Variants in REL observed in about 807,000 individuals in gnomAD.
REL encodes the protein REL proto-oncogene, NF-kB subunit, also known as proto-oncogene c-Rel.
REL carries 15 observed loss-of-function variants against 45.9 expected under a neutral mutation model. The ratio of observed to expected loss-of-function variants is 0.33; its 90% CI spans 0.22 to 0.50. The LOEUF (loss-of-function observed/expected upper bound fraction) is 0.50, where lower values mean the gene tolerates loss of function less well. Ranked by LOEUF, REL falls within the 20% of genes least tolerant of loss-of-function variation. The pLI is 0.98. For missense variants in REL, 601 were observed against 715.2 expected (o/e 0.84, Z 1.82); for synonymous variants, 239 against 242.1 (o/e 0.99, Z 0.12).
intron 1 of REL, among the ~76,000 whole-genome samples, chr2:60,888,219 A>G (rs1673118094): frequency 6.6e-6 from 1 of 152,096 alleles, no homozygotes; most frequent in Non-Finnish European, 1.5e-5. Flanking sequence ...ATGAGCCACC[A>G]TGCCCAGCCT....
Position 60,881,881 on chromosome 2 carries a change from G to A in REL, c.10+31G>A, listed in dbSNP as rs542918719. The A allele has an allele frequency of 3.5e-6, 5 of 1,432,522 alleles. No homozygotes were observed. In the African/African-American group the frequency reaches 5.9e-5, roughly 17 times the overall value. The allele number at this position is 1,432,522 out of a possible 1,614,324, so 88.7% of individuals were successfully genotyped here. ...TGTTCATGGGGCGCGGGCCTGGGCC[G>A]GGGGAAAGGAGCTCTTCTGAAGGGG... On this transcript the variant is annotated intron_variant, in intron 1 of 9. Coordinates refer to ENST00000394479, the MANE Select transcript of REL (RefSeq NM_001291746.2).
chr2:60,889,988 G>A (rs1268655390), intron 1 of REL, among the ~76,000 whole-genome samples: 3 of 152,144 alleles, frequency 2.0e-5, no homozygotes, highest in African/African-American at 7.2e-5. Context: ...TGGGTAAAAT[G>A]GTATTTCTAG....
rs1424134464 is a variant in REL, at chr2:60,906,912, TA to T, written c.394+5830del. ...GTGTGTGTATATATATATATATATA[TA>T]TTTTTTTTTTTTTTTTCTTTTCCGA... On this transcript the variant is annotated intron_variant, in intron 4 of 9. Transcript: ENST00000394479. Among the ~76,000 whole-genome samples, 512 of 69,292 alleles carry T rather than the reference TA, an allele frequency of 7.4e-3. 2 individuals are homozygous for T. The highest frequency in any genetic ancestry group is 0.017 in the African/African-American group (348 of 20,968). The allele number at this position is 69,292 out of a possible 152,430, so 45.5% of individuals were successfully genotyped here. A position where few individuals can be genotyped will look rare whatever the true frequency, so the allele number is the denominator to read the frequency against.
intron 4 of REL, among the ~76,000 whole-genome samples, chr2:60,905,895 C>T (rs1254092502): frequency 7.2e-5 from 11 of 152,164 alleles, no homozygotes; most frequent in African/African-American, 2.7e-4. Flanking sequence ...TATATACATA[C>T]ACCACACCCT....
At position 60,924,980 on chromosome 2, in the gene REL, C is replaced by T. The variant is rs1052010324; in HGVS notation, c.*2445C>T. The T allele has an allele frequency of 4.8e-6, 1 of 206,476 alleles. No homozygotes were observed. The highest frequency in any genetic ancestry group is 9.9e-6 in the Non-Finnish European group (1 of 101,126). The allele number at this position is 206,476 out of a possible 1,614,324, so 12.8% of individuals were successfully genotyped here. ...AGAAACCTTTCACTTTGCTTCAAAA[C>T]GTAGTTATATTTTGGAGTTTTCATT... On this transcript the variant is annotated 3_prime_UTR_variant, in exon 10 of 10. Coordinates refer to ENST00000394479, the MANE Select transcript of REL (RefSeq NM_001291746.2).
chr2:60,904,782 C>G (rs1673596216), intron 4 of REL, among the ~76,000 whole-genome samples: 1 of 151,936 alleles, frequency 6.6e-6, no homozygotes, highest in African/African-American at 2.4e-5. Flanking sequence ...CTTAGCTACT[C>G]AGGAGGCCGA....
intron 4 of REL, among the ~76,000 whole-genome samples, chr2:60,906,861 G>A (rs34809461): frequency 1.2e-5 from 1 of 84,692 alleles, no homozygotes; most frequent in Non-Finnish European, 3.7e-5. Flanking sequence ...GTATGTATGT[G>A]TGTGTGTGTG....
rs1558831992 is a variant in REL, at chr2:60,929,472, C to T, written c.*6937C>T. On this transcript the variant is annotated 3_prime_UTR_variant, in exon 10 of 10. Coordinates refer to ENST00000394479, the MANE Select transcript of REL (RefSeq NM_001291746.2). ...TTAAGAAAATGTGGCACATATACAC[C>T]ATGGAATACTATGCAGCCATAAAAA... 6.7e-6 allele frequency: 1 copy of T among 149,386 alleles called. No homozygotes were observed. Among genetic ancestry groups the T allele is most frequent in the Non-Finnish European group, 1.5e-5 (1 of 67,380 alleles). The allele number at this position is 149,386 out of a possible 1,614,324, so 9.3% of individuals were successfully genotyped here. A position where few individuals can be genotyped will look rare whatever the true frequency, so the allele number is the denominator to read the frequency against.
chr2:60,887,205 A>G (rs1673092904), intron 1 of REL, among the ~76,000 whole-genome samples: 1 of 152,242 alleles, frequency 6.6e-6, no homozygotes, highest in African/African-American at 2.4e-5. Context: ...GATGCATTAT[A>G]TAAATGATTT....
At chr2:60,920,000 C>T in intron 7 of REL, 41 bp from the exon 8 acceptor site, 1 of 1,307,416 alleles carries the variant, frequency 7.6e-7, no homozygotes, top group Non-Finnish European at 1.1e-6. Flanking sequence ...GGATACAATC[C>T]TATAATTTTT....
intron 2 of REL, among the ~76,000 whole-genome samples, chr2:60,893,541 G>A (rs991404530): frequency 1.3e-5 from 2 of 152,068 alleles, no homozygotes; most frequent in African/African-American, 4.8e-5. Flanking sequence ...ATTCCAGTAG[G>A]TCCTAAACAC....
intron 9 of REL, 127 bp downstream of exon 9, chr2:60,920,769 C>A (rs1674119808): frequency 1.6e-6 from 1 of 606,714 alleles, no homozygotes; most frequent in Non-Finnish European, 2.9e-6. Context: ...ATTTTTCATG[C>A]TTTCAGTATA....
chr2:60,882,858 A>G (rs186641963), intron 1 of REL, among the ~76,000 whole-genome samples: 3 of 152,170 alleles, frequency 2.0e-5, no homozygotes, highest in African/African-American at 7.2e-5. Context: ...TTATGTGACT[A>G]TATATTTTCC....
chr2:60,917,530 GTT>G (rs758484837), intron 5 of REL, among the ~76,000 whole-genome samples: 8 of 128,730 alleles, frequency 6.2e-5, no homozygotes, highest in Non-Finnish European at 1.3e-4. Flanking sequence ...TTTTTTATTG[GTT>G]TTTTTTTTTT....
In REL at chr2:60,892,700, G is replaced by A. The variant is rs142092795; in HGVS notation, c.153+875G>A. 5.6e-3 allele frequency among the ~76,000 whole-genome samples: 854 copies of A among 151,820 alleles called. 4 individuals are homozygous for A. Among genetic ancestry groups the A allele is most frequent in the Non-Finnish European group, 8.7e-3 (593 of 67,958 alleles). On this transcript the variant is annotated intron_variant, in intron 2 of 9. Coordinates refer to ENST00000394479, the MANE Select transcript of REL (RefSeq NM_001291746.2). ...CCATCTCGGCCTCCCAAAGCGCTGG[G>A]ATTATAGGCGTGAGCCACTGCGTCC...
Position 60,922,295 on chromosome 2 carries a change from C to T in REL, c.1524C>T (p.Ser508=). 6.2e-7 allele frequency: 1 copy of T among 1,614,072 alleles called. No homozygotes were observed. Among genetic ancestry groups the T allele is most frequent in the Non-Finnish European group, 8.5e-7 (1 of 1,179,986 alleles). ...PRDLRQLHQM[S]SSSMSAGANS... is the part of the protein sequence containing the mutation. ...ACTTGAGACAGCTCCATCAGATGTC[C>T]TCTTCCAGTATGTCAGCAGGCGCCA... Residue 508 remains serine (S), a synonymous_variant, in exon 10 of 10, where the codon TCC becomes TCT. Coordinates refer to ENST00000394479, the MANE Select transcript of REL (RefSeq NM_001291746.2).
At position 60,929,598 on chromosome 2, in the gene REL, A is replaced by C. The variant is rs189716049; in HGVS notation, c.*7063A>C. The C allele has an allele frequency of 2.7e-5, 4 of 149,414 alleles. No individual in the cohort carries two copies. Among genetic ancestry groups the C allele is most frequent in the African/African-American group, 7.4e-5 (3 of 40,568 alleles). The allele number at this position is 149,414 out of a possible 1,614,324, so 9.3% of individuals were successfully genotyped here. A position where few individuals can be genotyped will look rare whatever the true frequency, so the allele number is the denominator to read the frequency against. ...AAGAAACCAAACACCACATATTCTC[A>C]CTCATAGGTGGGAATTGAACAATGA... On this transcript the variant is annotated 3_prime_UTR_variant, in exon 10 of 10. Coordinates refer to ENST00000394479, the MANE Select transcript of REL (RefSeq NM_001291746.2).
chr2:60,920,857 ATGT>A (rs1356426234), intron 9 of REL, among the ~76,000 whole-genome samples: 6 of 152,368 alleles, frequency 3.9e-5, no homozygotes, highest in South Asian at 2.1e-4. Flanking sequence ...AAGAAATTAC[ATGT>A]TGTTCATATG....
chr2:60,893,726 T>G (rs934319036), intron 2 of REL, among the ~76,000 whole-genome samples: 4 of 152,326 alleles, frequency 2.6e-5, no homozygotes, highest in Middle Eastern at 3.4e-3. Context: ...ACCTTGCTCC[T>G]TTGTGGTATG....
Sources: allele counts gnomAD v4.1 joint callset (sites outside exome capture counted in the v4.1 genomes callset), GRCh38; gene constraint gnomAD v4.1.1; transcripts MANE v1.5; gene names NCBI Gene and HGNC (gene_info 2026-07-23, HGNC 2026-07-21).